LRP1B: variants seen among roughly 807,000 people sequenced by gnomAD.
LRP1B encodes the protein LDL receptor related protein 1B.
Under a neutral mutation model 556.6 loss-of-function variants are expected in LRP1B, and 217 were observed. The observed-to-expected ratio is 0.39, with a 90% CI of 0.35 to 0.44. LRP1B has a LOEUF of 0.44. LRP1B is among the 20% of genes least tolerant of loss of function. The probability of loss-of-function intolerance (pLI) is 1.00; values close to 1 mark genes in which losing one functional copy is unlikely to be tolerated. For missense variants in LRP1B, 5,053 were observed against 5,620.8 expected, an observed-to-expected ratio of 0.90 and a Z score of 3.23; for synonymous variants, 2,047 against 1,865.8, an observed-to-expected ratio of 1.10 and a Z score of -2.50.
chr2:140,654,060 G>C (rs957512216), intron 41 of LRP1B, among the ~76,000 whole-genome samples: 5 of 147,184 alleles, frequency 3.4e-5, no homozygotes, highest in African/African-American at 1.2e-4. Flanking sequence ...AAGAGAGAGA[G>C]TTTAACTACA....
At chr2:142,013,258 G>A (rs751485027) in intron 1 of LRP1B, among the ~76,000 whole-genome samples, 34 of 152,246 alleles carry the variant, frequency 2.2e-4, no homozygotes, top group Middle Eastern at 6.8e-3. Flanking sequence ...TGGGAAGGGT[G>A]TAATGTGGAG....
intron 79 of LRP1B, among the ~76,000 whole-genome samples, chr2:140,328,147 A>T (rs1680594917): frequency 1.3e-5 from 2 of 152,042 alleles, no homozygotes; most frequent in Non-Finnish European, 2.9e-5. Flanking sequence ...TCAATTCTCA[A>T]GAAACTCATT....
At chr2:140,312,048 G>A (rs36034993) in intron 83 of LRP1B, among the ~76,000 whole-genome samples, 11,037 of 151,736 alleles carry the variant, frequency 0.073, 459 homozygotes, top group Middle Eastern at 0.14. Context: ...GAATGAGAAG[G>A]AATGCTCTTT....
intron 1 of LRP1B, among the ~76,000 whole-genome samples, chr2:141,971,812 T>C (rs189616973): frequency 5.9e-4 from 90 of 151,648 alleles, no homozygotes; most frequent in Admixed American, 5.0e-3. Flanking sequence ...TTTTTTTATT[T>C]ATTGAACCTG....
intron 41 of LRP1B, among the ~76,000 whole-genome samples, chr2:140,628,375 C>A (rs926569647): frequency 3.3e-5 from 5 of 151,216 alleles, no homozygotes; most frequent in East Asian, 1.9e-4. Flanking sequence ...TAAAAACACA[C>A]AAAAAAAATA....
chr2:140,769,165 A>C (rs184444116), intron 35 of LRP1B, 48 bp downstream of exon 35: 1 of 1,531,544 alleles, frequency 6.5e-7, no homozygotes, highest in East Asian at 2.3e-5. Context: ...ATGTTTAATA[A>C]ATCAAGTGAA....
chr2:141,601,829 A>G (rs1185267057), intron 2 of LRP1B, among the ~76,000 whole-genome samples: 1 of 151,968 alleles, frequency 6.6e-6, no homozygotes, highest in South Asian at 2.1e-4. Context: ...TTTTGAACTA[A>G]TGATCTCAAG....
intron 23 of LRP1B, among the ~76,000 whole-genome samples, 168 bp downstream of exon 23, chr2:140,902,752 T>C (rs908971264): frequency 2.0e-5 from 3 of 152,240 alleles, no homozygotes; most frequent in African/African-American, 4.8e-5. Context: ...AGGATTATTA[T>C]ATTTTCTCTC....
chr2:141,338,275 A>G (rs1687921935), intron 3 of LRP1B, among the ~76,000 whole-genome samples: 1 of 152,150 alleles, frequency 6.6e-6, no homozygotes, highest in Admixed American at 6.5e-5. Context: ...CATAAGCTCA[A>G]TTGGGAGCCA....
intron 32 of LRP1B, among the ~76,000 whole-genome samples, chr2:140,781,372 C>T (rs554437880): frequency 6.6e-6 from 1 of 152,300 alleles, no homozygotes; most frequent in South Asian, 2.1e-4. Context: ...TATACAGCTT[C>T]AAATTTTAAA....
At position 140,324,000 on chromosome 2, in the gene LRP1B, C is replaced by T. The variant is rs2105059385; in HGVS notation, c.12407G>A (p.Gly4136Asp). ...GCCAAATTTTTGAACTCGAAATACA[C>T]CATTTTTAGGTCCTGCTCCATATAT... ...DYIYGAGPKN[G>D]VFRVQKFGHG... is the part of the protein sequence containing the mutation. Residue 4136 changes from glycine to aspartate, a missense_variant, in exon 81 of 91, where the codon GGT becomes GAT. Coordinates refer to ENST00000389484, the MANE Select transcript of LRP1B (RefSeq NM_018557.3). The T allele has an allele frequency of 6.2e-7, 1 of 1,609,354 alleles. No homozygotes were observed. The highest frequency in any genetic ancestry group is 8.5e-7 in the Non-Finnish European group (1 of 1,176,274).
chr2:140,713,056 T>C lies in LRP1B; in HGVS notation c.6023+2917A>G, dbSNP rs534442580. Among the ~76,000 whole-genome samples, 3 of 152,180 alleles carry C rather than the reference T, an allele frequency of 2.0e-5. No homozygotes were observed. The South Asian group carries it at 6.2e-4, about 32-fold the overall frequency. ...CTCTTTCTTGGGTAACCTCGTACAC[T>C]ATCGCAGCTTATTACAGAGCCTGAA... is the stretch of plus-strand genomic sequence containing the variant. On this transcript the variant is annotated intron_variant, in intron 37 of 90. Coordinates refer to ENST00000389484, the MANE Select transcript of LRP1B (RefSeq NM_018557.3).
chr2:140,475,208 A>G lies in LRP1B; in HGVS notation c.9555T>C (p.Asn3185=). 1.2e-6 allele frequency: 2 copies of G among 1,611,978 alleles called. No individual in the cohort carries two copies. Among genetic ancestry groups the G allele is most frequent in the Non-Finnish European group, 1.7e-6 (2 of 1,178,700 alleles). The part of the protein sequence containing the change: ...RPMALTIDYV[N]RRLYWADENH... ...TTTCATCGGCCCAGTAGAGTCTACG[A>G]TTAACATAATCTATTGTTAGTGCCA... The change falls in exon 60 of 91, where the codon AAT becomes AAC. Residue 3185 remains asparagine (N), a synonymous_variant. Transcript: ENST00000389484.
In LRP1B at chr2:140,259,923, C is replaced by A. The variant is rs551120963; in HGVS notation, c.13247+10319G>T. 4.6e-5 allele frequency among the ~76,000 whole-genome samples: 7 copies of A among 151,826 alleles called. No individual in the cohort carries two copies. In the East Asian group the frequency reaches 1.4e-3, roughly 29 times the overall value. On this transcript the variant is annotated intron_variant, in intron 86 of 90. Transcript: ENST00000389484. The stretch of plus-strand genomic sequence containing the variant: ...AAATGTAAAAACCAATATGCCCTGC[C>A]CCCACACACACAGATGATGAAGGAA...
At chr2:141,430,333 T>C (rs190222848) in intron 3 of LRP1B, among the ~76,000 whole-genome samples, 24 of 152,288 alleles carry the variant, frequency 1.6e-4, no homozygotes, top group Admixed American at 5.9e-4. Flanking sequence ...TCTCTTGTGA[T>C]ATTAAACAGT....
chr2:141,339,752 T>A (rs1687986036), intron 3 of LRP1B, among the ~76,000 whole-genome samples: 1 of 108,370 alleles, frequency 9.2e-6, no homozygotes, highest in African/African-American at 4.0e-5. Context: ...GAGTCATGGT[T>A]TATTTATTTT....
At chr2:141,059,567 A>G (rs546413921) in intron 8 of LRP1B, among the ~76,000 whole-genome samples, 1 of 151,964 alleles carries the variant, frequency 6.6e-6, no homozygotes, top group South Asian at 2.1e-4. Context: ...CACTTGCTCC[A>G]GCACAGAAAG....
chr2:140,259,560 T>C (rs1293416778), intron 86 of LRP1B, among the ~76,000 whole-genome samples: 1 of 152,074 alleles, frequency 6.6e-6, no homozygotes, highest in African/African-American at 2.4e-5. Context: ...CTGTTATAAT[T>C]ATGATAGAAT....
chr2:141,373,054 G>T (rs998899574), intron 3 of LRP1B, among the ~76,000 whole-genome samples: 7 of 151,822 alleles, frequency 4.6e-5, no homozygotes, highest in Admixed American at 6.6e-5. Flanking sequence ...ATTTTCATTT[G>T]TTCCAAAATT....
Sources: allele counts gnomAD v4.1 joint callset (sites outside exome capture counted in the v4.1 genomes callset), GRCh38; gene constraint gnomAD v4.1.1; transcripts MANE v1.5; gene names NCBI Gene and HGNC (gene_info 2026-07-23, HGNC 2026-07-21).